Variants in TYRP1 observed in about 807,000 individuals in gnomAD.
TYRP1 encodes 5,6-dihydroxyindole-2-carboxylic acid oxidase.
TYRP1 carries 49 observed loss-of-function variants against 42.8 expected under a neutral mutation model. That is an observed-to-expected ratio of 1.14 (90% CI 0.91 to 1.45). The LOEUF is 1.45. Ranked by LOEUF, TYRP1 falls within the 40% of genes most tolerant of loss-of-function variation. The pLI is 0.00. For missense variants in TYRP1, 848 were observed against 662.0 expected, an observed-to-expected ratio of 1.28 and a Z score of -3.08; for synonymous variants, 279 against 235.4, an observed-to-expected ratio of 1.19 and a Z score of -1.69.
Position 12,704,605 on chromosome 9 carries a change from A to C in TYRP1, c.1161A>C (p.Thr387=). ...HNLAHLFLNG[T]GGQTHLSPND... ...TGGCTCATCTATTCCTGAATGGAAC[A>C]GGGGGACAAACCCATTTGTCTCCAA... is the stretch of plus-strand genomic sequence containing the variant. Residue 387 remains threonine, a synonymous_variant, in exon 6 of 8, where the codon ACA becomes ACC. Coordinates refer to ENST00000388918, the MANE Select transcript of TYRP1 (RefSeq NM_000550.3). 1.2e-6 allele frequency: 2 copies of C among 1,613,194 alleles called. No homozygotes were observed. The highest frequency in any genetic ancestry group is 1.7e-6 in the Non-Finnish European group (2 of 1,179,480).
At chr9:12,708,642 G>C (rs1818301345) in intron 7 of TYRP1, among the ~76,000 whole-genome samples, 1 of 151,952 alleles carries the variant, frequency 6.6e-6, no homozygotes, top group African/African-American at 2.4e-5. Flanking sequence ...AAAGGCAGTA[G>C]GGCATAGTGG....
intron 5 of TYRP1, among the ~76,000 whole-genome samples, chr9:12,703,350 A>G (rs139636488): frequency 1.6e-3 from 241 of 152,078 alleles, no homozygotes; most frequent in African/African-American, 5.7e-3. Flanking sequence ...TCTCAAAATT[A>G]TATGCCATAT....
intron 5 of TYRP1, among the ~76,000 whole-genome samples, chr9:12,703,881 A>ATATGTGTG (rs1554648015): frequency 2.4e-5 from 1 of 41,586 alleles, no homozygotes; most frequent in Admixed American, 2.9e-4. Context: ...ATATATATAT[A>ATATGTGTG]TATGTGTGTG....
intron 7 of TYRP1, among the ~76,000 whole-genome samples, chr9:12,708,446 G>C (rs752442985): frequency 1.3e-4 from 19 of 151,932 alleles, no homozygotes; most frequent in Non-Finnish European, 2.5e-4. Flanking sequence ...AACTGTTACA[G>C]ATTCACATTT....
intron 6 of TYRP1, among the ~76,000 whole-genome samples, chr9:12,706,784 T>C (rs775655680): frequency 1.8e-4 from 28 of 152,006 alleles, no homozygotes; most frequent in Non-Finnish European, 3.1e-4. Context: ...TTAAAAAAAT[T>C]TATAAAACTG....
At chr9:12,701,323 CT>C (rs1212880821) in intron 4 of TYRP1, among the ~76,000 whole-genome samples, 2 of 152,016 alleles carry the variant, frequency 1.3e-5, no homozygotes, top group African/African-American at 4.8e-5. Context: ...GGCCCTCCCC[CT>C]TTTTTTGTTT....
chr9:12,704,704 T>A lies in TYRP1; in HGVS notation c.1260T>A (p.Ala420=). 1 of 1,612,714 alleles carries A rather than the reference T, an allele frequency of 6.2e-7. No individual in the cohort carries two copies. ...VFDEWLRRYN[A]DISTFPLENA... ...ATGAATGGCTGAGGAGATACAATGCTGGTAAGACATTTTCATATGCCTTTT... is the reference window on the plus strand; with the variant it reads ...ATGAATGGCTGAGGAGATACAATGCAGGTAAGACATTTTCATATGCCTTTT... Residue 420 remains alanine (A), a splice_region_variant and synonymous_variant, in exon 6 of 8, where the codon GCT becomes GCA. Transcript: ENST00000388918.
In TYRP1 at chr9:12,702,823, A is replaced by C. The variant is rs562282601; in HGVS notation, c.1081+385A>C. Reference sequence around the variant, plus strand: ...AGTTTTTTTTTTAAATAGAGTAATAAAAAAAATTCCAAACAATTAGTTGAC... The same window carrying C: ...AGTTTTTTTTTTAAATAGAGTAATACAAAAAATTCCAAACAATTAGTTGAC... On this transcript the variant is annotated intron_variant, in intron 5 of 7. Transcript: ENST00000388918. 7.9e-5 allele frequency among the ~76,000 whole-genome samples: 12 copies of C among 152,130 alleles called. No homozygotes were observed. The East Asian group carries it at 2.3e-3, about 30-fold the overall frequency.
intron 3 of TYRP1, among the ~76,000 whole-genome samples, chr9:12,696,531 G>A (rs975741143): frequency 3.9e-5 from 6 of 152,056 alleles, no homozygotes; most frequent in African/African-American, 9.7e-5. Context: ...TTGAAAAAAA[G>A]TTGAAAAATA....
chr9:12,705,520 ATTGATGAAATTGATGAAAAT>A (rs1818243781), intron 6 of TYRP1, among the ~76,000 whole-genome samples: 1 of 152,142 alleles, frequency 6.6e-6, no homozygotes, highest in Admixed American at 6.6e-5. Context: ...AGGACCATTA[ATTGATGAAATTGATGAAAAT>A]AGTTTGTTCC....
chr9:12,699,406 A>C (rs1484724596), intron 4 of TYRP1, among the ~76,000 whole-genome samples: 2 of 151,570 alleles, frequency 1.3e-5, no homozygotes, highest in Non-Finnish European at 2.9e-5. Flanking sequence ...ACCTCATCTT[A>C]TTTTTCTTCT....
Position 12,709,153 on chromosome 9 carries a change from C to T in TYRP1, c.1585C>T (p.Leu529Phe). Residue 529 changes from leucine (L) to phenylalanine (F), a missense_variant, in exon 8 of 8, where the codon CTC becomes TTC. Coordinates refer to ENST00000388918, the MANE Select transcript of TYRP1 (RefSeq NM_000550.3). ...YQCYAEEYEKLQNPNQSVV is the reference protein window; with the variant it reads ...YQCYAEEYEKFQNPNQSVV ...ATGCTATGCTGAAGAATATGAAAAA[C>T]TCCAGAATCCTAATCAGTCTGTGGT... The T allele has an allele frequency of 1.9e-6, 3 of 1,612,502 alleles. No homozygotes were observed. The highest frequency in any genetic ancestry group is 2.5e-6 in the Non-Finnish European group (3 of 1,178,962).
At chr9:12,694,416 C>A in intron 2 of TYRP1, 35 bp downstream of exon 2, 1 of 1,610,874 alleles carries the variant, frequency 6.2e-7, no homozygotes, top group Non-Finnish European at 8.5e-7. Context: ...ATAAGTCCTG[C>A]ATGAGACTCA....
rs771055145 is a variant in TYRP1, at chr9:12,704,577, A to G, written c.1133A>G (p.Asn378Ser). 1.8e-5 allele frequency: 29 copies of G among 1,612,966 alleles called. 1 individual carries two copies. Among genetic ancestry groups the G allele is most frequent in the East Asian group, 2.2e-5 (1 of 44,846 alleles). ...KYDPAVRSLH[N>S]LAHLFLNGTG... ...GACCCTGCTGTTCGAAGTCTTCACAATTTGGCTCATCTATTCCTGAATGGA... is the reference window on the plus strand; with the variant it reads ...GACCCTGCTGTTCGAAGTCTTCACAGTTTGGCTCATCTATTCCTGAATGGA... Residue 378 changes from asparagine to serine, a missense_variant, in exon 6 of 8, where the codon AAT (asparagine) becomes AGT (serine). Physicochemically the swap from Asn to Ser is conservative, Grantham distance 46 (BLOSUM62 1). Transcript: ENST00000388918.
At chr9:12,695,859 T>C in intron 3 of TYRP1, 22 bp downstream of exon 3, 1 of 1,610,510 alleles carries the variant, frequency 6.2e-7, no homozygotes, top group African/African-American at 1.3e-5. Context: ...GCATTTCAGT[T>C]TGCAGACTCT....
Position 12,708,076 on chromosome 9 carries a change from C to G in TYRP1, c.1341C>G (p.Val447=). The G allele has an allele frequency of 6.2e-7, 1 of 1,612,812 alleles. No individual in the cohort carries two copies. Among genetic ancestry groups the G allele is most frequent in the South Asian group, 1.1e-5 (1 of 91,052 alleles). Residue 447 remains valine (V), a synonymous_variant, in exon 7 of 8, where the codon GTC becomes GTG. Transcript: ENST00000388918. ...ACATGGTGCCATTCTGGCCCCCAGTCACCAACACAGAAATGTTTGTTACTG... is the reference window on the plus strand; with the variant it reads ...ACATGGTGCCATTCTGGCCCCCAGTGACCAACACAGAAATGTTTGTTACTG... ...QYNMVPFWPP[V]TNTEMFVTAP...
rs1195915194 is a variant in TYRP1, at chr9:12,703,053, CAG to C, written c.1081+618_1081+619del. 3.3e-5 allele frequency among the ~76,000 whole-genome samples: 5 copies of C among 151,926 alleles called. No individual in the cohort carries two copies. The East Asian group carries it at 7.8e-4, about 24-fold the overall frequency. Reference sequence around the variant, plus strand: ...CACAAGATATTCAGCTAGTTACTAACAGAGCGTAGGTTCAAATTCAAGTTTTC... The same window carrying C: ...CACAAGATATTCAGCTAGTTACTAACAGCGTAGGTTCAAATTCAAGTTTTC... On this transcript the variant is annotated intron_variant, in intron 5 of 7. Coordinates refer to ENST00000388918, the MANE Select transcript of TYRP1 (RefSeq NM_000550.3).
intron 3 of TYRP1, 45 bp downstream of exon 3, chr9:12,695,882 T>C: frequency 6.3e-7 from 1 of 1,577,696 alleles, no homozygotes; most frequent in Non-Finnish European, 8.7e-7. Flanking sequence ...ACAGACAAGA[T>C]GCCTTGTTTG....
In TYRP1 at chr9:12,694,017, C is replaced by G. The variant is rs148699209; in HGVS notation, c.21C>G (p.Leu7=). 2.0e-4 allele frequency: 322 copies of G among 1,614,064 alleles called. 1 individual carries two copies. The African/African-American group carries it at 3.4e-3, about 17-fold the overall frequency. The change falls in exon 2 of 8, where the codon CTC becomes CTG. Residue 7 remains leucine (L), a synonymous_variant. Coordinates refer to ENST00000388918, the MANE Select transcript of TYRP1 (RefSeq NM_000550.3). MSAPKL[L]SLGCIFFPLL... Reference sequence around the variant, plus strand: ...GCAGAATGAGTGCTCCTAAACTCCTCTCTCTGGGCTGTATCTTCTTCCCCT... The same window carrying G: ...GCAGAATGAGTGCTCCTAAACTCCTGTCTCTGGGCTGTATCTTCTTCCCCT...
Sources: gnomAD v4.1 joint callset for allele counts (sites outside exome capture counted in the v4.1 genomes callset) on GRCh38, gnomAD v4.1.1 for gene constraint, MANE v1.5 for transcripts, NCBI Gene and HGNC (gene_info 2026-07-23, HGNC 2026-07-21) for gene names.